The following ANKRD55 variants were observed in gnomAD, a reference collection of about 807,000 sequenced individuals.
ANKRD55 encodes ankyrin repeat domain-containing protein 55.
ANKRD55 carries 41 observed loss-of-function variants against 60.6 expected under a neutral mutation model. That is an observed-to-expected ratio of 0.68 (90% confidence interval 0.53 to 0.88). The LOEUF (loss-of-function observed/expected upper bound fraction) is 0.88. ANKRD55 is among the 40% of genes least tolerant of loss of function. The pLI, the probability that ANKRD55 is intolerant of heterozygous loss-of-function variation, is 0.00. For synonymous variants in ANKRD55, 264 were observed against 290.3 expected, an observed-to-expected ratio of 0.91 and a Z score of 0.92; for missense variants, 732 against 767.6, an observed-to-expected ratio of 0.95 and a Z score of 0.55.
intron 2 of ANKRD55, among the ~76,000 whole-genome samples, chr5:56,210,966 G>A (rs1759656593): frequency 6.6e-6 from 1 of 152,054 alleles, no homozygotes; most frequent in Non-Finnish European, 1.5e-5. Context: ...TTTAGAGGAG[G>A]CTCCTCCTGT....
At chr5:56,178,297 C>G (rs1227565891) in intron 3 of ANKRD55, among the ~76,000 whole-genome samples, 1 of 151,696 alleles carries the variant, frequency 6.6e-6, no homozygotes, top group Non-Finnish European at 1.5e-5. Flanking sequence ...TCAAGCAATC[C>G]TTCCACGTCA....
At chr5:56,183,380 T>A in intron 3 of ANKRD55, 132 bp downstream of exon 3, 1 of 1,181,614 alleles carries the variant, frequency 8.5e-7, no homozygotes, top group Non-Finnish European at 1.2e-6. Context: ...AGAGGCGATG[T>A]GGTACCTGCA....
At chr5:56,106,419 G>GTTTTTTTTTTTTTTTTTTT (rs1561248216) in intron 10 of ANKRD55, among the ~76,000 whole-genome samples, 1 of 106,876 alleles carries the variant, frequency 9.4e-6, no homozygotes, top group African/African-American at 5.4e-5. Flanking sequence ...GGCTAGGAAA[G>GTTTTTTTTTTTTTTTTTTT]CTTTTTTTTT....
chr5:56,230,239 C>T (rs187073100), intron 2 of ANKRD55, among the ~76,000 whole-genome samples: 17 of 152,230 alleles, frequency 1.1e-4, no homozygotes, highest in Admixed American at 3.3e-4. Context: ...GGACTACAGG[C>T]GTGTGTCACC....
At chr5:56,201,788 A>G (rs1230862610) in intron 2 of ANKRD55, among the ~76,000 whole-genome samples, 1 of 152,250 alleles carries the variant, frequency 6.6e-6, no homozygotes, top group African/African-American at 2.4e-5. Flanking sequence ...CAATCCCATT[A>G]CTAGGTATAT....
chr5:56,130,966 A>G (rs1435678510), intron 7 of ANKRD55, among the ~76,000 whole-genome samples: 1 of 152,242 alleles, frequency 6.6e-6, no homozygotes, highest in Non-Finnish European at 1.5e-5. Context: ...TGAAAAAAAC[A>G]GAACAGAATA....
chr5:56,193,006 T>C, intron 2 of ANKRD55: 1 of 974,730 alleles, frequency 1.0e-6, no homozygotes, highest in Non-Finnish European at 1.5e-6. Flanking sequence ...CTTTTCAGTA[T>C]GTTCATGAAC....
chr5:56,156,010 A>G (rs1421320031), intron 6 of ANKRD55, among the ~76,000 whole-genome samples: 9 of 152,146 alleles, frequency 5.9e-5, no homozygotes, highest in African/African-American at 2.2e-4. Context: ...TCAGGGGAAA[A>G]GAGGGTTGCA....
intron 11 of ANKRD55, among the ~76,000 whole-genome samples, chr5:56,100,644 A>G (rs887412417): frequency 2.0e-5 from 3 of 152,182 alleles, no homozygotes; most frequent in Non-Finnish European, 4.4e-5. Flanking sequence ...GGCCCAAGAC[A>G]TTTGTACTGT....
chr5:56,124,997 A>T (rs1237077608), intron 8 of ANKRD55, among the ~76,000 whole-genome samples: 1 of 152,036 alleles, frequency 6.6e-6, no homozygotes, highest in African/African-American at 2.4e-5. Flanking sequence ...TTATCTTTGT[A>T]CTTTCTTTTT....
At chr5:56,137,226 C>G in intron 7 of ANKRD55, 1 of 1,608,438 alleles carries the variant, frequency 6.2e-7, no homozygotes, top group Non-Finnish European at 8.5e-7. Context: ...AGGTCGGTGG[C>G]CCAAAAAGAG....
intron 9 of ANKRD55, among the ~76,000 whole-genome samples, chr5:56,111,986 A>T: frequency 6.6e-6 from 1 of 152,166 alleles, no homozygotes; most frequent in East Asian, 1.9e-4. Flanking sequence ...GCTCTTTACC[A>T]TGGGCAGTCT....
At chr5:56,232,789 A>G (rs1581038141) in intron 2 of ANKRD55, 67 bp downstream of exon 2, 1 of 1,493,266 alleles carries the variant, frequency 6.7e-7, no homozygotes, top group Non-Finnish European at 9.3e-7. Flanking sequence ...TCTCCTTACA[A>G]CTGTAAATCC....
intron 7 of ANKRD55, among the ~76,000 whole-genome samples, chr5:56,139,024 C>T (rs976779726): frequency 7.8e-6 from 1 of 128,600 alleles, no homozygotes; most frequent in Admixed American, 1.0e-4. Flanking sequence ...TCAATTGTAA[C>T]AAATGTACCA....
Position 56,164,266 on chromosome 5 carries a change from G to A in ANKRD55, c.423-4373C>T, listed in dbSNP as rs568210961. Among the ~76,000 whole-genome samples the A allele has an allele frequency of 2.6e-5, 4 of 152,174 alleles. No individual in the cohort carries two copies. The East Asian group carries it at 7.7e-4, about 29-fold the overall frequency. On this transcript the variant is annotated intron_variant, in intron 5 of 11. Coordinates refer to ENST00000341048, the MANE Select transcript of ANKRD55 (RefSeq NM_024669.3). ...TCATCCCTATGAGCTTTCCTGTTTC[G>A]CTGGCCCCTCTGAATGTTCCCAGCC...
chr5:56,173,572 C>CTA (rs1554041248), intron 4 of ANKRD55, among the ~76,000 whole-genome samples: 172 of 105,986 alleles, frequency 1.6e-3, no homozygotes, highest in African/African-American at 3.5e-3. Flanking sequence ...CTCTCTCTCT[C>CTA]TCTCTCTCTC....
At chr5:56,134,787 C>T (rs1757514415) in intron 7 of ANKRD55, among the ~76,000 whole-genome samples, 1 of 151,846 alleles carries the variant, frequency 6.6e-6, no homozygotes, top group Admixed American at 6.6e-5. Flanking sequence ...CAAAACAAAA[C>T]AAAGATATTA....
chr5:56,205,322 A>G (rs1561291769), intron 2 of ANKRD55, among the ~76,000 whole-genome samples: 2 of 152,210 alleles, frequency 1.3e-5, no homozygotes, highest in Non-Finnish European at 2.9e-5. Context: ...CAGCCTCCCA[A>G]AGTGCTAGGA....
chr5:56,145,201 A>G (rs116733352), intron 6 of ANKRD55, among the ~76,000 whole-genome samples: 5 of 152,156 alleles, frequency 3.3e-5, no homozygotes, highest in Non-Finnish European at 5.9e-5. Flanking sequence ...TACTGTGGTG[A>G]TGTCTCCTAC....
Sources: allele counts gnomAD v4.1 joint callset (sites outside exome capture counted in the v4.1 genomes callset), GRCh38; gene constraint gnomAD v4.1.1; transcripts MANE v1.5; gene names NCBI Gene and HGNC (gene_info 2026-07-23, HGNC 2026-07-21).